GRID2: variants seen among roughly 807,000 people sequenced by gnomAD.
GRID2 encodes glutamate ionotropic receptor delta type subunit 2, also known as glutamate receptor ionotropic, delta-2.
GRID2 carries 33 observed loss-of-function variants against 114.8 expected under a neutral mutation model. That is an observed-to-expected ratio of 0.29 (90% CI 0.22 to 0.38). The LOEUF is 0.38. Among genes scored for constraint, GRID2 ranks in the 10% least tolerant of loss-of-function variants. The pLI, the probability that GRID2 is intolerant of heterozygous loss-of-function variation, is 1.00. For missense variants in GRID2, 1,184 were observed against 1,257.7 expected (o/e 0.94, Z 0.89); for synonymous variants, 505 against 449.9 (o/e 1.12, Z -1.55).
chr4:93,291,985 T>C (rs552878472), intron 8 of GRID2, among the ~76,000 whole-genome samples: 2 of 152,308 alleles, frequency 1.3e-5, no homozygotes, highest in East Asian at 3.9e-4. Context: ...AATTATTATG[T>C]AAAGTTTTAT....
At chr4:93,514,618 C>T (rs1290401188) in intron 12 of GRID2, among the ~76,000 whole-genome samples, 5 of 152,076 alleles carry the variant, frequency 3.3e-5, no homozygotes, top group African/African-American at 1.2e-4. Context: ...ATTCTCTCAA[C>T]CTCAGTCTCT....
At chr4:93,017,405 G>A (rs1722851948) in intron 2 of GRID2, among the ~76,000 whole-genome samples, 1 of 152,094 alleles carries the variant, frequency 6.6e-6, no homozygotes. Flanking sequence ...ATTTATTGGA[G>A]AATGAAAAGT....
chr4:92,691,415 G>T (rs886473953), intron 2 of GRID2, among the ~76,000 whole-genome samples: 1 of 152,028 alleles, frequency 6.6e-6, no homozygotes, highest in Non-Finnish European at 1.5e-5. Context: ...GAACCTTAGG[G>T]CCAGCACAGT....
At chr4:93,646,860 A>G (rs746481846) in intron 14 of GRID2, among the ~76,000 whole-genome samples, 20 of 152,152 alleles carry the variant, frequency 1.3e-4, no homozygotes, top group Non-Finnish European at 2.6e-4. Flanking sequence ...TTATTTTCTG[A>G]ACAAATAAAT....
At chr4:92,622,607 G>A (rs1730326543) in intron 2 of GRID2, among the ~76,000 whole-genome samples, 1 of 151,408 alleles carries the variant, frequency 6.6e-6, no homozygotes, top group South Asian at 2.1e-4. Flanking sequence ...TTTTAAAAAA[G>A]ATTTCCTAAA....
intron 8 of GRID2, among the ~76,000 whole-genome samples, chr4:93,281,032 A>G (rs566453174): frequency 2.6e-5 from 4 of 152,078 alleles, no homozygotes; most frequent in African/African-American, 9.6e-5. Context: ...ATATGCACAT[A>G]CACAAACTAA....
At chr4:93,555,396 G>A (rs1578251265) in intron 13 of GRID2, among the ~76,000 whole-genome samples, 1 of 152,172 alleles carries the variant, frequency 6.6e-6, no homozygotes, top group Non-Finnish European at 1.5e-5. Flanking sequence ...GTCTCAAGTC[G>A]ACCTGGGATG....
chr4:93,177,547 A>G lies in GRID2; in HGVS notation c.736-29857A>G, dbSNP rs138523519. ...CTTGAGCAAAAGTGTTTCCTACTTT[A>G]TCATATTAAAATTTTTCACAATACT... is the stretch of plus-strand genomic sequence containing the variant. On this transcript the variant is annotated intron_variant, in intron 4 of 15. Coordinates refer to ENST00000282020, the MANE Select transcript of GRID2 (RefSeq NM_001510.4). 2.3e-4 allele frequency among the ~76,000 whole-genome samples: 35 copies of G among 152,314 alleles called. No homozygotes were observed. The East Asian group carries it at 5.0e-3, about 22-fold the overall frequency.
At chr4:92,625,644 C>T (rs961578723) in intron 2 of GRID2, among the ~76,000 whole-genome samples, 4 of 151,748 alleles carry the variant, frequency 2.6e-5, no homozygotes, top group African/African-American at 9.7e-5. Flanking sequence ...GATTTTTTAT[C>T]TGTAAATTGA....
chr4:93,651,040 C>A (rs1305242950), intron 14 of GRID2, among the ~76,000 whole-genome samples: 1 of 152,164 alleles, frequency 6.6e-6, no homozygotes, highest in Non-Finnish European at 1.5e-5. Context: ...CCACCCTGCA[C>A]AAAATCATTT....
At chr4:93,439,080 C>T (rs1721380412) in intron 10 of GRID2, among the ~76,000 whole-genome samples, 2 of 152,000 alleles carry the variant, frequency 1.3e-5, no homozygotes, top group Admixed American at 6.6e-5. Context: ...TCCAGTCTAT[C>T]GTTGTTGGAC....
chr4:92,999,072 G>A (rs1441035155), intron 2 of GRID2, among the ~76,000 whole-genome samples: 1 of 151,712 alleles, frequency 6.6e-6, no homozygotes, highest in Non-Finnish European at 1.5e-5. Flanking sequence ...AAATTTAAGT[G>A]TGTTTTTAAT....
At chr4:93,313,463 T>C (rs1158127835) in intron 8 of GRID2, among the ~76,000 whole-genome samples, 1 of 152,222 alleles carries the variant, frequency 6.6e-6, no homozygotes, top group African/African-American at 2.4e-5. Flanking sequence ...GATACTTACC[T>C]AGTGCCTTCT....
At chr4:93,429,765 T>C (rs1245327425) in intron 10 of GRID2, among the ~76,000 whole-genome samples, 5 of 152,214 alleles carry the variant, frequency 3.3e-5, no homozygotes, top group African/African-American at 1.2e-4. Flanking sequence ...TAAGTATTAA[T>C]AGTGATGTTT....
intron 9 of GRID2, among the ~76,000 whole-genome samples, chr4:93,411,190 A>G (rs1204112266): frequency 6.6e-6 from 1 of 152,216 alleles, no homozygotes; most frequent in Non-Finnish European, 1.5e-5. Flanking sequence ...GCTAAACTTA[A>G]CTACATTTCC....
intron 1 of GRID2, among the ~76,000 whole-genome samples, chr4:92,346,341 C>G (rs905740296): frequency 1.3e-5 from 2 of 152,070 alleles, no homozygotes; most frequent in African/African-American, 4.8e-5. Context: ...TATAATTTGA[C>G]TCATATTTTA....
intron 1 of GRID2, among the ~76,000 whole-genome samples, chr4:92,415,794 A>G (rs1283794232): frequency 9.5e-6 from 1 of 105,438 alleles, no homozygotes; most frequent in Non-Finnish European, 2.0e-5. Flanking sequence ...CATTTTCTTT[A>G]TTCACTCATT....
intron 1 of GRID2, among the ~76,000 whole-genome samples, chr4:92,461,275 T>C (rs980378308): frequency 1.3e-5 from 2 of 151,974 alleles, no homozygotes; most frequent in African/African-American, 4.8e-5. Context: ...TCTTGGAAAC[T>C]GTGACATTAA....
At chr4:93,196,570 T>G (rs6857551) in intron 4 of GRID2, among the ~76,000 whole-genome samples, 27,736 of 152,012 alleles carry the variant, frequency 0.18, 4,326 homozygotes, top group African/African-American at 0.42. Flanking sequence ...GGACTGTTTT[T>G]TAATGAGAAA....
Sources: allele counts gnomAD v4.1 joint callset (sites outside exome capture counted in the v4.1 genomes callset), GRCh38; gene constraint gnomAD v4.1.1; transcripts MANE v1.5; gene names NCBI Gene and HGNC (gene_info 2026-07-23, HGNC 2026-07-21).